Variants in TEAD1 observed in about 807,000 individuals in gnomAD.
TEAD1 encodes transcriptional enhancer factor TEF-1.
A neutral mutation model predicts 54.9 loss-of-function variants in TEAD1; 9 were observed. That is an observed-to-expected ratio of 0.16 (90% confidence interval 0.10 to 0.29). The LOEUF (loss-of-function observed/expected upper bound fraction) is 0.29, where lower values mean the gene tolerates loss of function less well. Among genes scored for constraint, TEAD1 ranks in the 10% least tolerant of loss-of-function variants. TEAD1 has a pLI of 1.00. For synonymous variants in TEAD1, 200 were observed against 187.8 expected (o/e 1.07, Z -0.53); for missense variants, 387 against 535.9 (o/e 0.72, Z 2.74).
intron 1 of TEAD1, 143 bp from the exon 2 acceptor site, chr11:12,675,265 AC>A: frequency 6.6e-6 from 1 of 151,574 alleles, no homozygotes; most frequent in Non-Finnish European, 1.5e-5. Flanking sequence ...GCCGGCCTGC[AC>A]CCCCCTGCTT....
At chr11:12,856,008 G>C (rs908152099) in intron 3 of TEAD1, among the ~76,000 whole-genome samples, 11 of 151,220 alleles carry the variant, frequency 7.3e-5, no homozygotes, top group African/African-American at 2.7e-4. Context: ...GCACTGTCTT[G>C]TAGAATCTTG....
At position 12,683,581 on chromosome 11, in the gene TEAD1, A is replaced by C. The variant is rs541392296; in HGVS notation, c.-55+8020A>C. On this transcript the variant is annotated intron_variant, in intron 2 of 12. Coordinates refer to ENST00000527636, the MANE Select transcript of TEAD1 (RefSeq NM_021961.6). ...TGATGTTGGAGTTGGGCTTTGAAGGAACAGGGGGATTTTTTCCAGATGCCA... is the reference window on the plus strand; with the variant it reads ...TGATGTTGGAGTTGGGCTTTGAAGGCACAGGGGGATTTTTTCCAGATGCCA... Among the ~76,000 whole-genome samples the C allele has an allele frequency of 9.2e-5, 14 of 152,226 alleles. No homozygotes were observed. The East Asian group carries it at 2.7e-3, about 29-fold the overall frequency.
intron 2 of TEAD1, among the ~76,000 whole-genome samples, chr11:12,752,918 A>G (rs1944905081): frequency 1.3e-5 from 2 of 151,604 alleles, no homozygotes; most frequent in African/African-American, 4.9e-5. Flanking sequence ...ACAGCTCACT[A>G]CAGCTTGACC....
At chr11:12,915,268 T>C (rs965100678) in intron 10 of TEAD1, among the ~76,000 whole-genome samples, 2 of 152,250 alleles carry the variant, frequency 1.3e-5, no homozygotes, top group Admixed American at 1.3e-4. Context: ...ATCCGCCAAA[T>C]GCTGCCACCG....
intron 5 of TEAD1, among the ~76,000 whole-genome samples, chr11:12,865,986 C>T (rs1042908970): frequency 6.6e-6 from 1 of 150,630 alleles, no homozygotes; most frequent in Non-Finnish European, 1.5e-5. Context: ...TTCCCAAAGT[C>T]CTTCGACTTT....
intron 3 of TEAD1, among the ~76,000 whole-genome samples, chr11:12,819,278 A>ATT (rs72319822): frequency 1.4e-5 from 2 of 146,950 alleles, no homozygotes; most frequent in African/African-American, 5.0e-5. Context: ...TGCAGAGGTG[A>ATT]TTTTTTTTTT....
At chr11:12,884,222 C>G (rs1482687412) in intron 9 of TEAD1, among the ~76,000 whole-genome samples, 1 of 152,102 alleles carries the variant, frequency 6.6e-6, no homozygotes, top group Non-Finnish European at 1.5e-5. Flanking sequence ...CCCAACAAGC[C>G]CCGTACCCTT....
chr11:12,711,522 C>A (rs1185403793), intron 2 of TEAD1, among the ~76,000 whole-genome samples: 1 of 152,116 alleles, frequency 6.6e-6, no homozygotes, highest in African/African-American at 2.4e-5. Context: ...CCCAGGGGTC[C>A]CTGGCTGGTG....
Position 12,826,610 on chromosome 11 carries a change from C to T in TEAD1, c.203-35640C>T, listed in dbSNP as rs117780364. Among the ~76,000 whole-genome samples the T allele has an allele frequency of 3.5e-3, 529 of 152,282 alleles. 12 individuals carry two copies. The East Asian group carries it at 0.041, about 12-fold the overall frequency. On this transcript the variant is annotated intron_variant, in intron 3 of 12. Coordinates refer to ENST00000527636, the MANE Select transcript of TEAD1 (RefSeq NM_021961.6). ...GTTCAAATCATGGTTCACCTCTTAC[C>T]GGTTTTGCAAACCTTGGGTCAGTTA... is the stretch of plus-strand genomic sequence containing the variant.
chr11:12,824,159 T>C (rs914867917), intron 3 of TEAD1, among the ~76,000 whole-genome samples: 8 of 152,240 alleles, frequency 5.3e-5, no homozygotes, highest in Non-Finnish European at 7.3e-5. Flanking sequence ...AATCCCCAAT[T>C]GTAATGTCTA....
intron 2 of TEAD1, among the ~76,000 whole-genome samples, chr11:12,737,698 T>C (rs1944565280): frequency 6.6e-6 from 1 of 152,098 alleles, no homozygotes; most frequent in Admixed American, 6.5e-5. Context: ...TGCTTGGTAA[T>C]TGGAGGGAAA....
At chr11:12,854,956 A>G (rs181185278) in intron 3 of TEAD1, among the ~76,000 whole-genome samples, 4 of 152,272 alleles carry the variant, frequency 2.6e-5, no homozygotes, top group Admixed American at 2.0e-4. Flanking sequence ...ATCCACACAC[A>G]GTCCATGTGT....
At chr11:12,739,511 G>A (rs1184571412) in intron 2 of TEAD1, among the ~76,000 whole-genome samples, 2 of 152,060 alleles carry the variant, frequency 1.3e-5, no homozygotes, top group Non-Finnish European at 1.5e-5. Context: ...TCTAGGTACC[G>A]CATATGAGTG....
chr11:12,859,261 T>A (rs1257252067), intron 3 of TEAD1, among the ~76,000 whole-genome samples: 4 of 150,270 alleles, frequency 2.7e-5, no homozygotes, highest in Non-Finnish European at 4.4e-5. Flanking sequence ...ATGTGTCACA[T>A]CTATCAAGGT....
intron 3 of TEAD1, among the ~76,000 whole-genome samples, chr11:12,818,424 G>A (rs1210446693): frequency 1.2e-4 from 19 of 152,056 alleles, no homozygotes; most frequent in Admixed American, 1.2e-3. Flanking sequence ...TTTCAGACTT[G>A]AAAAATAAAG....
At chr11:12,719,575 G>A (rs894490222) in intron 2 of TEAD1, among the ~76,000 whole-genome samples, 8 of 148,058 alleles carry the variant, frequency 5.4e-5, no homozygotes, top group South Asian at 2.2e-4. Context: ...CCTTTTTTTT[G>A]GGGGGAGGGG....
chr11:12,687,283 A>T (rs992937503), intron 2 of TEAD1, among the ~76,000 whole-genome samples: 1 of 152,194 alleles, frequency 6.6e-6, no homozygotes, highest in African/African-American at 2.4e-5. Context: ...TACCATCCAT[A>T]ACCCTCAAAG....
chr11:12,705,814 C>T (rs1020396900), intron 2 of TEAD1, among the ~76,000 whole-genome samples: 1 of 152,128 alleles, frequency 6.6e-6, no homozygotes, highest in Non-Finnish European at 1.5e-5. Context: ...ATTCTTAGTT[C>T]ACATCACATT....
At chr11:12,706,746 T>C (rs1943823898) in intron 2 of TEAD1, among the ~76,000 whole-genome samples, 1 of 152,318 alleles carries the variant, frequency 6.6e-6, no homozygotes, top group East Asian at 1.9e-4. Flanking sequence ...CCAGATGGGC[T>C]AGCCCTGATG....
Sources: allele counts gnomAD v4.1 joint callset (sites outside exome capture counted in the v4.1 genomes callset), GRCh38; gene constraint gnomAD v4.1.1; transcripts MANE v1.5; gene names NCBI Gene and HGNC (gene_info 2026-07-23, HGNC 2026-07-21).